The following CDH13 variants were observed in gnomAD, a reference collection of about 807,000 sequenced individuals.
CDH13 encodes the protein cadherin 13, also known as cadherin-13.
In CDH13, 24 loss-of-function variants were observed where a neutral mutation model predicts 63.8. The observed-to-expected ratio is 0.38, with a 90% CI of 0.27 to 0.53. The LOEUF (loss-of-function observed/expected upper bound fraction) is 0.53. CDH13 is among the 20% of genes least tolerant of loss of function. The pLI is 0.85. For missense variants in CDH13, 1,049 were observed against 903.1 expected, an observed-to-expected ratio of 1.16 and a Z score of -2.07; for synonymous variants, 503 against 355.3, an observed-to-expected ratio of 1.42 and a Z score of -4.67.
intron 1 of CDH13, among the ~76,000 whole-genome samples, chr16:82,783,545 T>C (rs2035865104): frequency 6.6e-6 from 1 of 152,192 alleles, no homozygotes; most frequent in Non-Finnish European, 1.5e-5. Context: ...CCTGAGGATG[T>C]AGAGAAAAAC....
chr16:83,203,195 G>T (rs779742502), intron 4 of CDH13, among the ~76,000 whole-genome samples: 26 of 151,962 alleles, frequency 1.7e-4, no homozygotes, highest in Admixed American at 7.9e-4. Context: ...TTGCACTCCA[G>T]CCTGGGCAAC....
intron 3 of CDH13, among the ~76,000 whole-genome samples, chr16:83,116,409 A>G (rs1389115029): frequency 1.3e-5 from 2 of 152,114 alleles, no homozygotes; most frequent in Admixed American, 1.3e-4. Context: ...ACGGGCAGGG[A>G]TGTCCCCTGA....
At chr16:82,891,227 C>A (rs539830780) in intron 2 of CDH13, among the ~76,000 whole-genome samples, 2 of 152,172 alleles carry the variant, frequency 1.3e-5, no homozygotes, top group South Asian at 2.1e-4. Context: ...TGTGGAGAAT[C>A]TATGTTCTGT....
intron 5 of CDH13, among the ~76,000 whole-genome samples, chr16:83,262,245 C>G: frequency 6.6e-6 from 1 of 152,088 alleles, no homozygotes; most frequent in East Asian, 1.9e-4. Context: ...GTATAATTTC[C>G]CCAGACCACA....
chr16:83,701,497 C>G (rs914217969), intron 10 of CDH13, among the ~76,000 whole-genome samples: 8 of 152,220 alleles, frequency 5.3e-5, no homozygotes, highest in African/African-American at 1.9e-4. Context: ...GCACAGTTGA[C>G]TGAACATGCT....
chr16:82,878,837 C>G (rs907822208), intron 2 of CDH13, among the ~76,000 whole-genome samples: 1 of 152,028 alleles, frequency 6.6e-6, no homozygotes, highest in African/African-American at 2.4e-5. Flanking sequence ...GAATATCTAA[C>G]ATTGAGGCAT....
At chr16:82,639,584 A>G in intron 1 of CDH13, 1 of 672,664 alleles carries the variant, frequency 1.5e-6, no homozygotes, top group Non-Finnish European at 2.6e-6. Flanking sequence ...TCTTTCCCCA[A>G]ACAAAAAGAA....
chr16:83,454,726 TG>T (rs1187932653), intron 6 of CDH13, among the ~76,000 whole-genome samples: 42 of 144,080 alleles, frequency 2.9e-4, no homozygotes, highest in East Asian at 1.8e-3. Flanking sequence ...TTTTTTTTTT[TG>T]ATATAGAGTC....
chr16:83,306,601 G>A (rs2089885708), intron 5 of CDH13, among the ~76,000 whole-genome samples: 1 of 152,136 alleles, frequency 6.6e-6, no homozygotes, highest in Admixed American at 6.5e-5. Context: ...CTGCAAACCT[G>A]AGCTAAATTA....
At chr16:83,209,769 G>A (rs529077884) in intron 4 of CDH13, among the ~76,000 whole-genome samples, 64 of 152,194 alleles carry the variant, frequency 4.2e-4, no homozygotes, top group Non-Finnish European at 7.6e-4. Flanking sequence ...CCTTGCAGGC[G>A]AGGAGGGCTA....
intron 1 of CDH13, among the ~76,000 whole-genome samples, chr16:82,633,803 A>C (rs1908319973): frequency 6.6e-6 from 1 of 152,166 alleles, no homozygotes; most frequent in Non-Finnish European, 1.5e-5. Context: ...TGCTACAATT[A>C]ATGCTCTCTG....
intron 4 of CDH13, among the ~76,000 whole-genome samples, chr16:83,144,266 T>G (rs1295590474): frequency 6.6e-6 from 1 of 152,300 alleles, no homozygotes; most frequent in East Asian, 1.9e-4. Context: ...GCACCTTTTG[T>G]TCCTGCGGTT....
intron 7 of CDH13, among the ~76,000 whole-genome samples, chr16:83,517,333 C>G (rs575933036): frequency 2.0e-5 from 3 of 152,156 alleles, no homozygotes; most frequent in Non-Finnish European, 4.4e-5. Context: ...AAGTTAACCC[C>G]CAAATTTTAG....
chr16:83,300,312 A>C (rs1287474105), intron 5 of CDH13, among the ~76,000 whole-genome samples: 5 of 152,258 alleles, frequency 3.3e-5, no homozygotes, highest in Non-Finnish European at 5.9e-5. Context: ...GTTGAGTGAC[A>C]TGAAGAGATA....
At chr16:82,638,282 C>T (rs754252223) in intron 1 of CDH13, among the ~76,000 whole-genome samples, 9 of 152,202 alleles carry the variant, frequency 5.9e-5, no homozygotes, top group Non-Finnish European at 1.0e-4. Flanking sequence ...GCTGCTGGTG[C>T]CTTGGACTGC....
intron 1 of CDH13, among the ~76,000 whole-genome samples, chr16:82,666,304 G>T (rs1463821444): frequency 2.0e-5 from 3 of 152,208 alleles, no homozygotes; most frequent in Non-Finnish European, 2.9e-5. Context: ...GCAGTATCTT[G>T]TGTATTTTAA....
chr16:83,216,397 AATATATAT>A (rs1158270310), intron 4 of CDH13, among the ~76,000 whole-genome samples: 1,109 of 16,106 alleles, frequency 0.069, 125 homozygotes, highest in African/African-American at 0.11. Context: ...CCAGCATTGA[AATATATAT>A]ATATATATAT....
intron 8 of CDH13, among the ~76,000 whole-genome samples, chr16:83,645,572 A>C (rs1567476951): frequency 6.6e-6 from 1 of 151,450 alleles, no homozygotes; most frequent in Non-Finnish European, 1.5e-5. Flanking sequence ...AATTTTTTTA[A>C]AGGTACTCCA....
At position 83,080,871 on chromosome 16, in the gene CDH13, G is replaced by GTTTTTTTTTTTGTTTTTTTTT. The variant is rs2033185148; in HGVS notation, c.367-44503_367-44502insGTTTTTTTTTTTTTTTTTTTT. ...AGATAGAGTTTTGTTTTGTTTTTGT[G>GTTTTTTTTTTTGTTTTTTTTT]TTTTTTTTTTTTTTTTTTTTTTTTT... is the stretch of plus-strand genomic sequence containing the variant. On this transcript the variant is annotated intron_variant, in intron 3 of 13. Transcript: ENST00000567109. Among the ~76,000 whole-genome samples, 40 of 46,938 alleles carry GTTTTTTTTTTTGTTTTTTTTT rather than the reference G, an allele frequency of 8.5e-4. 1 individual carries two copies. Among genetic ancestry groups the GTTTTTTTTTTTGTTTTTTTTT allele is most frequent in the Non-Finnish European group, 1.1e-3 (32 of 28,202 alleles). 30.8% of individuals were successfully genotyped at this position (46,938 alleles called of 152,430 possible).
Sources: allele counts gnomAD v4.1 joint callset (sites outside exome capture counted in the v4.1 genomes callset), GRCh38; gene constraint gnomAD v4.1.1; transcripts MANE v1.5; gene names NCBI Gene and HGNC (gene_info 2026-07-23, HGNC 2026-07-21).